Variants in PHF21A observed in about 807,000 individuals in gnomAD.
The protein encoded by PHF21A is BHC80a.
In PHF21A, 11 loss-of-function variants were observed where a neutral mutation model predicts 82.5. The ratio of observed to expected loss-of-function variants is 0.13; its 90% confidence interval spans 0.08 to 0.22. PHF21A has a LOEUF of 0.22. PHF21A is among the 10% of genes least tolerant of loss of function. PHF21A has a pLI of 1.00. For synonymous variants in PHF21A, 297 were observed against 302.8 expected, an observed-to-expected ratio of 0.98 and a Z score of 0.20; for missense variants, 579 against 837.8, an observed-to-expected ratio of 0.69 and a Z score of 3.81.
intron 1 of PHF21A, chr11:46,117,288 G>A (rs1851608991): frequency 6.6e-6 from 1 of 152,174 alleles, no homozygotes; most frequent in African/African-American, 2.4e-5. Flanking sequence ...AACCACAGTG[G>A]CATGATATTT....
intron 10 of PHF21A, among the ~76,000 whole-genome samples, chr11:45,954,287 A>T (rs1234530993): frequency 6.6e-6 from 1 of 152,084 alleles, no homozygotes; most frequent in Non-Finnish European, 1.5e-5. Flanking sequence ...GTGAGCCACC[A>T]TGCCCAGCCC....
chr11:45,937,110 T>TC, intron 16 of PHF21A, among the ~76,000 whole-genome samples: 1 of 152,204 alleles, frequency 6.6e-6, no homozygotes, highest in Admixed American at 6.5e-5. Flanking sequence ...AGAGAAGTGT[T>TC]CCGCTGCACC....
chr11:45,996,713 G>A (rs1591753421), intron 6 of PHF21A, among the ~76,000 whole-genome samples: 2 of 152,288 alleles, frequency 1.3e-5, no homozygotes, highest in South Asian at 4.2e-4. Flanking sequence ...TCTTGAATAG[G>A]ATCCCAATTA....
chr11:45,965,278 G>C (rs755258522), intron 10 of PHF21A, 37 bp downstream of exon 10: 2 of 1,591,780 alleles, frequency 1.3e-6, no homozygotes, highest in Non-Finnish European at 1.7e-6. Context: ...TCAACGACAA[G>C]GCTACTGCCC....
chr11:46,019,234 G>A (rs2095581944), intron 6 of PHF21A, among the ~76,000 whole-genome samples: 1 of 152,108 alleles, frequency 6.6e-6, no homozygotes, highest in African/African-American at 2.4e-5. Flanking sequence ...TAGAAGATAG[G>A]GGAAAAGAAT....
chr11:46,001,953 C>G (rs1283619003), intron 6 of PHF21A, among the ~76,000 whole-genome samples: 3 of 152,140 alleles, frequency 2.0e-5, no homozygotes, highest in African/African-American at 7.2e-5. Context: ...TTCATAAAAA[C>G]TAGATGGGGA....
intron 3 of PHF21A, 93 bp from the exon 4 acceptor site, chr11:46,084,395 T>G (rs2096830551): frequency 2.1e-6 from 1 of 474,186 alleles, no homozygotes; most frequent in Non-Finnish European, 3.6e-6. Context: ...AATATCTGAT[T>G]CTCTAACGCA....
intron 6 of PHF21A, among the ~76,000 whole-genome samples, chr11:46,040,919 A>G (rs1282346550): frequency 2.0e-5 from 3 of 149,330 alleles, no homozygotes; most frequent in Non-Finnish European, 4.5e-5. Context: ...ACACACACAC[A>G]CACACACACA....
rs564266599 is a variant in PHF21A, at chr11:46,106,162, G to A, written c.-236-13939C>T. Among the ~76,000 whole-genome samples, 24 of 152,276 alleles carry A rather than the reference G, an allele frequency of 1.6e-4. 1 individual carries two copies. The South Asian group carries it at 4.8e-3, about 30-fold the overall frequency. ...TAATGTGGCATCTGTTCCAAGTACAGCATGCTAACATTTTACTAAAAGATA... is the reference window on the plus strand; with the variant it reads ...TAATGTGGCATCTGTTCCAAGTACAACATGCTAACATTTTACTAAAAGATA... On this transcript the variant is annotated intron_variant, in intron 1 of 18. Transcript: ENST00000676320.
intron 6 of PHF21A, among the ~76,000 whole-genome samples, chr11:46,034,935 G>C (rs899867029): frequency 1.2e-4 from 18 of 152,204 alleles, no homozygotes; most frequent in Non-Finnish European, 2.6e-4. Context: ...AAACCTGGAA[G>C]CTGCTAAAGG....
intron 6 of PHF21A, among the ~76,000 whole-genome samples, chr11:46,055,718 A>G (rs1158182493): frequency 6.6e-6 from 1 of 152,150 alleles, no homozygotes; most frequent in Non-Finnish European, 1.5e-5. Context: ...TAAACGCCCC[A>G]ACAATTTACA....
chr11:46,011,191 TA>T (rs1299194613), intron 6 of PHF21A, among the ~76,000 whole-genome samples: 1 of 152,036 alleles, frequency 6.6e-6, no homozygotes, highest in Non-Finnish European at 1.5e-5. Context: ...GTAGGGTGTA[TA>T]AAAGTGTTCA....
At chr11:46,106,680 G>A (rs2097155639) in intron 1 of PHF21A, among the ~76,000 whole-genome samples, 1 of 152,180 alleles carries the variant, frequency 6.6e-6, no homozygotes, top group Admixed American at 6.5e-5. Context: ...CATGCATGCT[G>A]CATACTCCAC....
At chr11:45,959,765 C>T (rs1490898553) in intron 10 of PHF21A, among the ~76,000 whole-genome samples, 1 of 152,102 alleles carries the variant, frequency 6.6e-6, no homozygotes, top group Non-Finnish European at 1.5e-5. Context: ...AGGCAAACTA[C>T]GGAACAGGAG....
chr11:46,074,330 A>C (rs973100769), intron 6 of PHF21A, among the ~76,000 whole-genome samples: 20 of 152,160 alleles, frequency 1.3e-4, no homozygotes, highest in African/African-American at 4.6e-4. Context: ...CTGTATTTTA[A>C]ATTTTTCTAA....
At chr11:46,113,414 G>C (rs543191947) in intron 1 of PHF21A, among the ~76,000 whole-genome samples, 1 of 152,162 alleles carries the variant, frequency 6.6e-6, no homozygotes, top group Admixed American at 6.5e-5. Flanking sequence ...CGTAGGAGAA[G>C]CACAGAAAAA....
At chr11:46,052,456 T>C (rs974427105) in intron 6 of PHF21A, among the ~76,000 whole-genome samples, 6 of 152,058 alleles carry the variant, frequency 3.9e-5, no homozygotes, top group Non-Finnish European at 7.4e-5. Context: ...TCTTCACTCA[T>C]ATACCTACTG....
chr11:45,991,246 G>A (rs2094688893), intron 6 of PHF21A, among the ~76,000 whole-genome samples: 1 of 151,608 alleles, frequency 6.6e-6, no homozygotes, highest in Admixed American at 6.6e-5. Flanking sequence ...ATATTGCATT[G>A]TCTGAATGTA....
At chr11:45,950,371 T>C (rs539030861) in intron 11 of PHF21A, 114 bp from the exon 12 acceptor site, 113 of 733,004 alleles carry the variant, frequency 1.5e-4, no homozygotes, top group Non-Finnish European at 2.2e-4. Context: ...GTCTCATGAA[T>C]GCACAAGAGC....
Sources: allele counts gnomAD v4.1 joint callset (sites outside exome capture counted in the v4.1 genomes callset), GRCh38; gene constraint gnomAD v4.1.1; transcripts MANE v1.5; gene names NCBI Gene and HGNC (gene_info 2026-07-23, HGNC 2026-07-21).